The following DPP6 variants were observed in gnomAD, a reference collection of about 807,000 sequenced individuals.
DPP6 encodes dipeptidyl peptidase like 6.
DPP6 carries 69 observed loss-of-function variants against 122.6 expected under a neutral mutation model. The observed-to-expected ratio is 0.56, with a 90% CI of 0.46 to 0.69. The LOEUF (loss-of-function observed/expected upper bound fraction) is 0.69. Among genes scored for constraint, DPP6 ranks in the 30% least tolerant of loss-of-function variants. The pLI, the probability that DPP6 is intolerant of heterozygous loss-of-function variation, is 0.00. For missense variants in DPP6, 928 were observed against 1,116.9 expected (o/e 0.83, Z 2.41); for synonymous variants, 418 against 433.1 (o/e 0.97, Z 0.43).
chr7:154,583,543 G>A (rs1233971432), intron 5 of DPP6, among the ~76,000 whole-genome samples: 1 of 152,096 alleles, frequency 6.6e-6, no homozygotes, highest in Admixed American at 6.5e-5. Flanking sequence ...AACCTACTAC[G>A]GCAACTACTG....
chr7:154,343,203 A>ACGC (rs1220093214), intron 1 of DPP6, among the ~76,000 whole-genome samples: 6 of 152,336 alleles, frequency 3.9e-5, no homozygotes, highest in African/African-American at 1.4e-4. Context: ...ACTCACTGCA[A>ACGC]CGCCACACAC....
Position 154,237,248 on chromosome 7 carries a change from C to G in DPP6, c.243+184185C>G, listed in dbSNP as rs575727096. On this transcript the variant is annotated intron_variant, in intron 1 of 25. Coordinates refer to ENST00000377770, the MANE Select transcript of DPP6 (RefSeq NM_130797.4). ...CTGGTTCTGACATCTTGAATAATCC[C>G]TTAGTATCTTGTTTACAGGTGATGA... Among the ~76,000 whole-genome samples the G allele has an allele frequency of 4.6e-5, 7 of 152,288 alleles. No individual in the cohort carries two copies. The South Asian group carries it at 1.5e-3, about 32-fold the overall frequency.
At chr7:154,058,308 C>T (rs1801080914) in intron 1 of DPP6, 1 of 149,532 alleles carries the variant, frequency 6.7e-6, no homozygotes, top group Admixed American at 6.6e-5. Flanking sequence ...TCTTAGGATC[C>T]CCATCGCTGG....
rs549762871 is a variant in DPP6, at chr7:154,153,602, C to T, written c.243+100539C>T. On this transcript the variant is annotated intron_variant, in intron 1 of 25. Transcript: ENST00000377770. ...GCCAATACACCTGCAGGTCCACCCT[C>T]TGCTGGTCATTTTCTGACCACAGTA... Among the ~76,000 whole-genome samples the T allele has an allele frequency of 3.5e-4, 54 of 152,344 alleles. 3 individuals carry two copies. The South Asian group carries it at 0.011, about 31-fold the overall frequency.
At chr7:154,338,257 T>G (rs920471104) in intron 1 of DPP6, among the ~76,000 whole-genome samples, 3 of 152,208 alleles carry the variant, frequency 2.0e-5, no homozygotes, top group Admixed American at 6.5e-5. Flanking sequence ...AGAATCTTGA[T>G]GTCCCAGAGC....
At chr7:154,061,391 C>T (rs997697264) in intron 1 of DPP6, among the ~76,000 whole-genome samples, 1 of 146,956 alleles carries the variant, frequency 6.8e-6, no homozygotes, top group Admixed American at 6.7e-5. Flanking sequence ...GACTTTTAAC[C>T]CAAACTGTGG....
chr7:153,964,913 CCTTTCTTTCTTT>C (rs66803093), intron 1 of DPP6, among the ~76,000 whole-genome samples: 14 of 113,396 alleles, frequency 1.2e-4, no homozygotes, highest in South Asian at 8.2e-4. Flanking sequence ...CTTTTCTTTT[CCTTTCTTTCTTT>C]CTTTCTTTCT....
At chr7:154,342,745 A>G (rs1428221900) in intron 1 of DPP6, among the ~76,000 whole-genome samples, 2 of 152,180 alleles carry the variant, frequency 1.3e-5, no homozygotes, top group African/African-American at 2.4e-5. Flanking sequence ...AATGAATTAG[A>G]TCACTTTTTT....
At chr7:153,809,747 T>C in the DPP6 span, among the ~76,000 whole-genome samples, 1 of 151,194 alleles carries the variant, frequency 6.6e-6, no homozygotes, top group African/African-American at 2.4e-5. Flanking sequence ...TGAGGGTATG[T>C]ATGAGCTCCA....
intron 1 of DPP6, among the ~76,000 whole-genome samples, chr7:153,898,694 C>T (rs1165097339): frequency 6.6e-6 from 1 of 152,080 alleles, no homozygotes; most frequent in Non-Finnish European, 1.5e-5. Flanking sequence ...GGAAAATGGC[C>T]GTCTTCAGTT....
chr7:154,685,045 G>A (rs1839514727), intron 7 of DPP6, among the ~76,000 whole-genome samples: 1 of 152,200 alleles, frequency 6.6e-6, no homozygotes, highest in Non-Finnish European at 1.5e-5. Context: ...ATACCAGGCT[G>A]ATGAACTATA....
chr7:154,764,139 G>A (rs911671320), intron 8 of DPP6, among the ~76,000 whole-genome samples: 2 of 152,186 alleles, frequency 1.3e-5, no homozygotes, highest in African/African-American at 4.8e-5. Flanking sequence ...ACAGAGGGGA[G>A]AGCTGTCCTT....
In DPP6 at chr7:154,252,082, A is replaced by G. The variant is rs1370283061; in HGVS notation, c.244-194132A>G. Reference sequence around the variant, plus strand: ...ATGTACAGTCTAGCAGTGGCCTTTCATGGTAGAGAGACTCATTCTTGCATA... The same window carrying G: ...ATGTACAGTCTAGCAGTGGCCTTTCGTGGTAGAGAGACTCATTCTTGCATA... On this transcript the variant is annotated intron_variant, in intron 1 of 25. Transcript: ENST00000377770. Among the ~76,000 whole-genome samples, 3 of 152,364 alleles carry G rather than the reference A, an allele frequency of 2.0e-5. No homozygotes were observed. The South Asian group carries it at 6.2e-4, about 32-fold the overall frequency.
chr7:154,101,181 A>T, intron 1 of DPP6, among the ~76,000 whole-genome samples: 1 of 138,396 alleles, frequency 7.2e-6, no homozygotes, highest in Non-Finnish European at 1.6e-5. Context: ...TCAGTTGTTC[A>T]TCCTGTGCAC....
intron 5 of DPP6, among the ~76,000 whole-genome samples, chr7:154,583,634 C>T (rs915442366): frequency 4.6e-5 from 7 of 152,296 alleles, no homozygotes; most frequent in Admixed American, 2.0e-4. Context: ...AACACTGACT[C>T]GGGACCCAGC....
intron 1 of DPP6, among the ~76,000 whole-genome samples, chr7:154,156,886 G>A (rs1288900182): frequency 6.6e-6 from 1 of 152,258 alleles, no homozygotes; most frequent in African/African-American, 2.4e-5. Context: ...GTTCCTATGG[G>A]AAAAGCACTT....
chr7:154,299,309 A>G (rs1029169164), intron 1 of DPP6, among the ~76,000 whole-genome samples: 3 of 152,194 alleles, frequency 2.0e-5, no homozygotes, highest in African/African-American at 7.2e-5. Flanking sequence ...CGTGCAAGAG[A>G]AAACCAAAAC....
chr7:153,808,302 C>T, the DPP6 span, among the ~76,000 whole-genome samples: 262 of 143,556 alleles, frequency 1.8e-3, no homozygotes, highest in East Asian at 0.013. Flanking sequence ...TGTGTGTCTG[C>T]GCACATGTGT....
chr7:154,824,732 G>GA (rs1800030137), intron 16 of DPP6, among the ~76,000 whole-genome samples: 1 of 152,220 alleles, frequency 6.6e-6, no homozygotes, highest in Admixed American at 6.5e-5. Context: ...AAAGATGAGA[G>GA]AAAATCAGCT....
Sources: gnomAD v4.1 joint callset for allele counts (sites outside exome capture counted in the v4.1 genomes callset) on GRCh38, gnomAD v4.1.1 for gene constraint, MANE v1.5 for transcripts, NCBI Gene and HGNC (gene_info 2026-07-23, HGNC 2026-07-21) for gene names.